The following RORA variants were observed in gnomAD, a reference collection of about 807,000 sequenced individuals.
RORA encodes nuclear receptor ROR-alpha.
Under a neutral mutation model 69.5 loss-of-function variants are expected in RORA, and 7 were observed. The ratio of observed to expected loss-of-function variants is 0.10; its 90% CI spans 0.06 to 0.19. The LOEUF is 0.19. Ranked by LOEUF, RORA falls within the 10% of genes least tolerant of loss-of-function variation. The pLI is 1.00. For missense variants in RORA, 457 were observed against 663.0 expected (o/e 0.69, Z 3.41); for synonymous variants, 261 against 240.8 (o/e 1.08, Z -0.78).
At chr15:61,025,140 A>G (rs991835413) in intron 1 of RORA, among the ~76,000 whole-genome samples, 1 of 152,162 alleles carries the variant, frequency 6.6e-6, no homozygotes, top group Non-Finnish European at 1.5e-5. Context: ...CCCTTCATGT[A>G]TAAAATGATG....
chr15:61,226,794 GTGTT>G lies in RORA; in HGVS notation c.166+2255_166+2258del, dbSNP rs2080148702. ...TGCCTGCGTGCAGGATGTGAGTTGAGTGTTTGGGCCTTACCACCCCCCTCCCATT... is the reference window on the plus strand; with the variant it reads ...TGCCTGCGTGCAGGATGTGAGTTGAGTGGGCCTTACCACCCCCCTCCCATT... On this transcript the variant is annotated intron_variant, in intron 1 of 10. Transcript: ENST00000335670. This position sits in a 1 kb window ranked among gnomAD's most constrained non-coding sequence, Gnocchi z 4.2. Among the ~76,000 whole-genome samples, 1 of 151,592 alleles carries G rather than the reference GTGTT, an allele frequency of 6.6e-6. No individual in the cohort carries two copies. The highest frequency in any genetic ancestry group is 6.6e-5 in the Admixed American group (1 of 15,228).
intron 1 of RORA, among the ~76,000 whole-genome samples, chr15:60,816,738 A>AAAATAAAATAAAATAAGAT (rs1555455470): frequency 6.9e-6 from 1 of 144,582 alleles, no homozygotes; most frequent in African/African-American, 2.6e-5. Flanking sequence ...GTATAATAAA[A>AAAATAAAATAAAATAAGAT]AAAATAAAAT....
intron 2 of RORA, among the ~76,000 whole-genome samples, chr15:60,638,420 C>CT (rs1399226887): frequency 3.6e-5 from 5 of 137,676 alleles, no homozygotes; most frequent in Non-Finnish European, 7.7e-5. Context: ...GGTATAAAAG[C>CT]TTTTTTTCTT....
chr15:60,545,203 C>T (rs1025565496), intron 2 of RORA: 8 of 151,942 alleles, frequency 5.3e-5, no homozygotes, highest in Non-Finnish European at 8.8e-5. Context: ...TGAATAAGTG[C>T]GTAGACTTAC....
intron 2 of RORA, among the ~76,000 whole-genome samples, chr15:60,580,205 T>C (rs567604319): frequency 6.6e-6 from 1 of 152,342 alleles, no homozygotes; most frequent in South Asian, 2.1e-4. Context: ...ACACATGATT[T>C]GAGTTAGAGA....
rs569071475 is a variant in RORA at position 60,682,930 on chromosome 15, A to G, written c.167-4244T>C. 1.4e-4 allele frequency among the ~76,000 whole-genome samples: 21 copies of G among 152,328 alleles called. 1 individual carries two copies. The highest frequency in any genetic ancestry group is 9.1e-4 in the Admixed American group (14 of 15,302). ...AAAATACACATACACCCTGCGCCCA[A>G]AGTGAACACGGTGGATGACTTGGGC... On this transcript the variant is annotated intron_variant, in intron 1 of 10. Transcript: ENST00000335670.
At chr15:61,220,261 G>C (rs1434819213) in intron 1 of RORA, among the ~76,000 whole-genome samples, 1 of 152,174 alleles carries the variant, frequency 6.6e-6, no homozygotes, top group East Asian at 1.9e-4. Flanking sequence ...AGAGTTATGA[G>C]CAGTTCACCC....
chr15:60,712,908 G>C lies in RORA; in HGVS notation c.167-34222C>G, dbSNP rs770218032. ...TGAAAATACTATCTCTTGGACAAGA[G>C]AGCCTGACCTCTCTCTGCTCACAGC... is the stretch of plus-strand genomic sequence containing the variant. On this transcript the variant is annotated intron_variant, in intron 1 of 10. Coordinates refer to ENST00000335670, the MANE Select transcript of RORA (RefSeq NM_134261.3). Among the ~76,000 whole-genome samples the C allele has an allele frequency of 4.6e-5, 7 of 152,262 alleles. No individual in the cohort carries two copies. In the South Asian group the frequency reaches 6.2e-4, roughly 14 times the overall value.
chr15:60,750,400 T>C (rs1212382006), intron 1 of RORA, among the ~76,000 whole-genome samples: 4 of 152,224 alleles, frequency 2.6e-5, no homozygotes, highest in African/African-American at 9.6e-5. Flanking sequence ...CAGAGAACAA[T>C]TGTGCAGATA....
chr15:60,771,463 T>G (rs1258584734), intron 1 of RORA, among the ~76,000 whole-genome samples: 1 of 152,228 alleles, frequency 6.6e-6, no homozygotes, highest in Non-Finnish European at 1.5e-5. Flanking sequence ...GCAGTGACCT[T>G]GCCTTATGTT....
At chr15:61,158,246 C>G (rs2079463092) in intron 1 of RORA, among the ~76,000 whole-genome samples, 1 of 152,144 alleles carries the variant, frequency 6.6e-6, no homozygotes, top group Non-Finnish European at 1.5e-5. Flanking sequence ...CTCCTCCAGA[C>G]AGCGGGCAAA....
At position 61,229,238 on chromosome 15, in the gene RORA, A is replaced by C; in HGVS notation, c.-20T>G. 1 of 1,255,450 alleles carries C rather than the reference A, an allele frequency of 8.0e-7. No individual in the cohort carries two copies. Among genetic ancestry groups the C allele is most frequent in the South Asian group, 1.4e-5 (1 of 70,484 alleles). The allele number at this position is 1,255,450 out of a possible 1,614,324, so 77.8% of individuals were successfully genotyped here. ...CTCCATGTTTTTTCCCAATGTAGAG[A>C]TCGCTGGAGATGGCGAGCTCCGAGA... On this transcript the variant is annotated 5_prime_UTR_variant, in exon 1 of 11. Transcript: ENST00000335670.
intron 1 of RORA, among the ~76,000 whole-genome samples, chr15:60,691,036 T>A (rs958922899): frequency 2.0e-5 from 3 of 152,166 alleles, no homozygotes; most frequent in Non-Finnish European, 4.4e-5. Flanking sequence ...TCTCTCTCTG[T>A]CTCACCCATC....
intron 2 of RORA, among the ~76,000 whole-genome samples, chr15:60,628,682 G>A (rs1244998060): frequency 6.6e-6 from 1 of 152,190 alleles, no homozygotes; most frequent in Admixed American, 6.5e-5. Flanking sequence ...TAGAATTCAA[G>A]TATTTCTTCA....
chr15:61,198,395 T>C (rs1477249582), intron 1 of RORA, among the ~76,000 whole-genome samples: 5 of 152,146 alleles, frequency 3.3e-5, no homozygotes, highest in African/African-American at 1.2e-4. Context: ...ATTCTCATCT[T>C]TGTCATATCC....
chr15:60,966,736 C>T (rs901540226), intron 1 of RORA, among the ~76,000 whole-genome samples: 4 of 152,202 alleles, frequency 2.6e-5, no homozygotes, highest in African/African-American at 7.2e-5. Context: ...TATGTTGCAT[C>T]AGCCACAGAA....
chr15:61,087,788 T>C (rs1227523597), intron 1 of RORA, among the ~76,000 whole-genome samples: 1 of 152,242 alleles, frequency 6.6e-6, no homozygotes, highest in Non-Finnish European at 1.5e-5. Flanking sequence ...ATCTCTGCCA[T>C]AACCCTGTGG....
intron 2 of RORA, among the ~76,000 whole-genome samples, chr15:60,561,144 C>G (rs568951800): frequency 2.0e-5 from 3 of 147,242 alleles, no homozygotes; most frequent in East Asian, 2.0e-4. Flanking sequence ...TGCAGTGGCG[C>G]GATCTCGGCT....
chr15:60,659,232 A>T (rs2070267023), intron 2 of RORA, among the ~76,000 whole-genome samples: 1 of 152,240 alleles, frequency 6.6e-6, no homozygotes. Flanking sequence ...AGTATTTTAA[A>T]GGACAAGATT....
Sources: allele counts gnomAD v4.1 joint callset (sites outside exome capture counted in the v4.1 genomes callset), GRCh38; gene constraint gnomAD v4.1.1; non-coding constraint Gnocchi (gnomAD v3.1); transcripts MANE v1.5; gene names NCBI Gene and HGNC (gene_info 2026-07-23, HGNC 2026-07-21).